DCBLD1: variants seen among roughly 807,000 people sequenced by gnomAD.
The protein encoded by DCBLD1 is discoidin, CUB and LCCL domain containing 1.
Under a neutral mutation model 71.5 loss-of-function variants are expected in DCBLD1, and 57 were observed. The ratio of observed to expected loss-of-function variants is 0.80; its 90% confidence interval spans 0.64 to 0.99. DCBLD1 has a LOEUF of 0.99. Among genes scored for constraint, DCBLD1 ranks in the 50% least tolerant of loss-of-function variants. The pLI is 0.00. For missense variants in DCBLD1, 891 were observed against 923.5 expected, an observed-to-expected ratio of 0.96 and a Z score of 0.46; for synonymous variants, 380 against 363.8, an observed-to-expected ratio of 1.04 and a Z score of -0.51.
intron 6 of DCBLD1, among the ~76,000 whole-genome samples, chr6:117,534,537 C>T (rs1225127272): frequency 6.6e-6 from 1 of 152,158 alleles, no homozygotes; most frequent in Non-Finnish European, 1.5e-5. Context: ...AAGAACTTCC[C>T]TTTGGCTCTC....
chr6:117,543,744 T>C (rs1320359023), intron 12 of DCBLD1, among the ~76,000 whole-genome samples: 4 of 152,164 alleles, frequency 2.6e-5, no homozygotes, highest in African/African-American at 7.2e-5. Context: ...TATCCTGAAA[T>C]TGATATATTG....
At position 117,532,305 on chromosome 6, in the gene DCBLD1, G is replaced by A. The variant is rs761274265; in HGVS notation, c.631G>A (p.Asp211Asn). The A allele has an allele frequency of 1.2e-6, 2 of 1,613,546 alleles. No homozygotes were observed. Among genetic ancestry groups the A allele is most frequent in the Non-Finnish European group, 1.7e-6 (2 of 1,179,902 alleles). Residue 211 changes from aspartate (D) to asparagine (N), a missense_variant, in exon 6 of 15, where the codon GAT becomes AAT. Physicochemically the swap from Asp to Asn is conservative, Grantham distance 23 (BLOSUM62 1). Transcript: ENST00000338728. ...KAAIHAGIIA[D>N]ELGGQISVLQ... ...TGCCATCCATGCAGGAATAATTGCTGATGAACTAGGTGGCCAGATCAGTGT... is the reference window on the plus strand; with the variant it reads ...TGCCATCCATGCAGGAATAATTGCTAATGAACTAGGTGGCCAGATCAGTGT...
exon 15 of DCBLD1, chr6:117,569,626 T>C (rs760055667): frequency 1.2e-6 from 2 of 1,613,238 alleles, no homozygotes; most frequent in Non-Finnish European, 1.7e-6. Flanking sequence ...TTAGGTTAAC[T>C]CCGTTGACTG....
chr6:117,539,036 TAGAG>T, intron 8 of DCBLD1: 1 of 696,138 alleles, frequency 1.4e-6, no homozygotes, highest in East Asian at 2.7e-5. Flanking sequence ...ATATATGGAT[TAGAG>T]AGATAATTCT....
Position 117,549,608 on chromosome 6 carries a change from T to C in DCBLD1, c.*1169T>C. Reference sequence around the variant, plus strand: ...AATATGGACCAAAAATTTTTTTCCCTGAAGAATGTATTATAACCCTATTTG... The same window carrying C: ...AATATGGACCAAAAATTTTTTTCCCCGAAGAATGTATTATAACCCTATTTG... On this transcript the variant is annotated 3_prime_UTR_variant, in exon 15 of 15. Coordinates refer to ENST00000338728, the MANE Select transcript of DCBLD1 (RefSeq NM_001366458.2). The C allele has an allele frequency of 1.0e-6, 1 of 985,436 alleles. No homozygotes were observed. Among genetic ancestry groups the C allele is most frequent in the Non-Finnish European group, 1.2e-6 (1 of 829,934 alleles). The allele number at this position is 985,436 out of a possible 1,614,324, so 61.0% of individuals were successfully genotyped here.
intron 14 of DCBLD1, 47 bp from the exon 15 acceptor site, chr6:117,547,860 G>A (rs2114576298): frequency 1.9e-6 from 3 of 1,550,012 alleles, no homozygotes; most frequent in South Asian, 1.2e-5. Flanking sequence ...CTGACAGGCC[G>A]GCCCGTGTGT....
intron 14 of DCBLD1, among the ~76,000 whole-genome samples, chr6:117,567,728 C>T (rs563875425): frequency 4.6e-5 from 7 of 151,882 alleles, no homozygotes; most frequent in Admixed American, 3.3e-4. Context: ...TTTACATGAA[C>T]GAGAAAGCTG....
At chr6:117,493,306 G>T (rs1430453198) in intron 1 of DCBLD1, among the ~76,000 whole-genome samples, 11 of 152,096 alleles carry the variant, frequency 7.2e-5, no homozygotes, top group Non-Finnish European at 4.4e-5. Flanking sequence ...TGATTAGTTT[G>T]CATACTGAAG....
rs144781902 is a variant in DCBLD1, at chr6:117,511,168, G to A, written c.325+7189G>A. Among the ~76,000 whole-genome samples the A allele has an allele frequency of 6.8e-4, 103 of 152,268 alleles. No homozygotes were observed. In the East Asian group the frequency reaches 8.9e-3, roughly 13 times the overall value. On this transcript the variant is annotated intron_variant, in intron 2 of 14. Coordinates refer to ENST00000338728, the MANE Select transcript of DCBLD1 (RefSeq NM_001366458.2). ...TGTTCCTGTGGCTTGTGCATAAGAA[G>A]ACCTGAGGTGTAGTTCTTGTTCGTC...
chr6:117,488,331 A>G lies in DCBLD1; in HGVS notation c.112+5438A>G, dbSNP rs556808635. Among the ~76,000 whole-genome samples the G allele has an allele frequency of 2.0e-5, 3 of 152,314 alleles. 1 individual carries two copies. The highest frequency in any genetic ancestry group is 4.1e-4 in the South Asian group (2 of 4,822). Reference sequence around the variant, plus strand: ...ATATGACTATTGTGGAGCGTTAGGAAACACTGTGCAGGTATTTAAGAAAAT... The same window carrying G: ...ATATGACTATTGTGGAGCGTTAGGAGACACTGTGCAGGTATTTAAGAAAAT... On this transcript the variant is annotated intron_variant, in intron 1 of 14. Transcript: ENST00000338728.
At chr6:117,505,845 A>G (rs1320898016) in intron 2 of DCBLD1, among the ~76,000 whole-genome samples, 1 of 152,146 alleles carries the variant, frequency 6.6e-6, no homozygotes, top group Non-Finnish European at 1.5e-5. Context: ...GGAATTAGCT[A>G]CGTATCTCAA....
intron 1 of DCBLD1, among the ~76,000 whole-genome samples, chr6:117,489,059 C>G (rs564470358): frequency 6.6e-6 from 1 of 152,168 alleles, no homozygotes; most frequent in Admixed American, 6.5e-5. Flanking sequence ...TTAGTCTGTT[C>G]TGTGTTGCTG....
At chr6:117,551,524 C>T (rs558069686), downstream of DCBLD1, among the ~76,000 whole-genome samples, 244 of 152,186 alleles carry the variant, frequency 1.6e-3, 1 homozygote, top group African/African-American at 5.5e-3. Flanking sequence ...GGACTACAGG[C>T]GCCCACCACG....
At chr6:117,490,105 AC>A (rs1270456837) in intron 1 of DCBLD1, among the ~76,000 whole-genome samples, 1 of 142,740 alleles carries the variant, frequency 7.0e-6, no homozygotes, top group African/African-American at 2.6e-5. Flanking sequence ...ACACACACAC[AC>A]ACACACACAC....
chr6:117,540,897 C>G, intron 10 of DCBLD1, 21 bp from the exon 11 acceptor site: 1 of 1,614,050 alleles, frequency 6.2e-7, no homozygotes, highest in Non-Finnish European at 8.5e-7. Flanking sequence ...TGTGGTTTTC[C>G]CGACATCCCT....
Position 117,548,176 on chromosome 6 carries a change from G to A in DCBLD1, c.1885G>A (p.Gly629Ser), listed in dbSNP as rs1342326688. ...CTACCGCGTCCCAGGGCCCCAGCCC[G>A]GCCACAAACACTCCCTCTCCTCGGG... ...SGYRVPGPQP[G>S]HKHSLSSGGF... The change falls in exon 15 of 15, where the codon GGC (glycine) becomes AGC (serine). Residue 629 changes from glycine to serine, a missense_variant. Gly to Ser is a moderately conservative substitution (Grantham distance 56, BLOSUM62 0). Transcript: ENST00000338728. The A allele has an allele frequency of 6.5e-7, 1 of 1,550,336 alleles. No individual in the cohort carries two copies. The highest frequency in any genetic ancestry group is 2.4e-5 in the East Asian group (1 of 40,906).
chr6:117,557,827 G>C (rs1268200258), intron 14 of DCBLD1, among the ~76,000 whole-genome samples: 4 of 152,176 alleles, frequency 2.6e-5, no homozygotes, highest in African/African-American at 9.7e-5. Context: ...GTTTTTGCCA[G>C]AATGTGCTAG....
At chr6:117,541,158 T>C (rs1779083330) in intron 11 of DCBLD1, 133 bp downstream of exon 11, 3 of 719,132 alleles carry the variant, frequency 4.2e-6, no homozygotes, top group Non-Finnish European at 7.0e-6. Context: ...TATTGGCACA[T>C]ATGTAAAATG....
rs1180225024 is a variant in DCBLD1, at chr6:117,548,858, A to G, written c.*419A>G. On this transcript the variant is annotated 3_prime_UTR_variant, in exon 15 of 15. Transcript: ENST00000338728. ...TGCAGCTGTTGCAAAATGTATATAAATAGTATGTTCATTTTTTTCAGTATA... is the reference window on the plus strand; with the variant it reads ...TGCAGCTGTTGCAAAATGTATATAAGTAGTATGTTCATTTTTTTCAGTATA... 23 of 1,028,810 alleles carry G rather than the reference A, an allele frequency of 2.2e-5. No homozygotes were observed. The highest frequency in any genetic ancestry group is 2.7e-5 in the Non-Finnish European group (23 of 856,810). The allele number at this position is 1,028,810 out of a possible 1,614,324, so 63.7% of individuals were successfully genotyped here.
Sources: gnomAD v4.1 joint callset for allele counts (sites outside exome capture counted in the v4.1 genomes callset) on GRCh38, gnomAD v4.1.1 for gene constraint, MANE v1.5 for transcripts, NCBI Gene and HGNC (gene_info 2026-07-23, HGNC 2026-07-21) for gene names.